Variants in TGM6 observed in about 807,000 individuals in gnomAD.
TGM6 encodes transglutaminase 6.
In TGM6, 74 loss-of-function variants were observed where a neutral mutation model predicts 77.5. The ratio of observed to expected loss-of-function variants is 0.96; its 90% CI spans 0.79 to 1.16. TGM6 has a LOEUF of 1.16. TGM6 is among the 50% of genes most tolerant of loss of function. The pLI, the probability that TGM6 is intolerant of heterozygous loss-of-function variation, is 0.00. For synonymous variants in TGM6, 383 were observed against 378.9 expected (o/e 1.01, Z -0.12); for missense variants, 968 against 940.2 (o/e 1.03, Z -0.39).
chr20:2,408,594 A>G (rs190211015), intron 9 of TGM6, among the ~76,000 whole-genome samples: 1 of 152,346 alleles, frequency 6.6e-6, no homozygotes, highest in East Asian at 1.9e-4. Flanking sequence ...CACGGAATGA[A>G]TGAATTGGGG....
intron 10 of TGM6, among the ~76,000 whole-genome samples, chr20:2,420,072 A>G (rs775116809): frequency 5.9e-5 from 9 of 152,106 alleles, no homozygotes; most frequent in Admixed American, 3.9e-4. Context: ...GTGAAACCCC[A>G]TCTCTACTAA....
At chr20:2,431,106 G>A (rs2084921249) in intron 12 of TGM6, 79 bp downstream of exon 12, 4 of 1,583,864 alleles carry the variant, frequency 2.5e-6, no homozygotes, top group Non-Finnish European at 3.4e-6. Context: ...TGCCAGGGAT[G>A]GGGGTGTGAG....
At chr20:2,408,387 C>T (rs1328467754) in intron 9 of TGM6, among the ~76,000 whole-genome samples, 1 of 152,170 alleles carries the variant, frequency 6.6e-6, no homozygotes, top group Non-Finnish European at 1.5e-5. Context: ...TTTTGCCTGG[C>T]CAGGGGTCTC....
chr20:2,399,540 C>A, intron 5 of TGM6, 21 bp from the exon 6 acceptor site: 1 of 1,612,186 alleles, frequency 6.2e-7, no homozygotes, highest in Non-Finnish European at 8.5e-7. Flanking sequence ...TGGTTGTGGA[C>A]CCGTGCCCTC....
rs768947083 is a variant in TGM6, at chr20:2,394,643, C to T, written c.181+18C>T. 1 of 1,600,728 alleles carries T rather than the reference C, an allele frequency of 6.2e-7. No individual in the cohort carries two copies. Among genetic ancestry groups the T allele is most frequent in the Non-Finnish European group, 8.5e-7 (1 of 1,174,484 alleles). On this transcript the variant is annotated intron_variant, in intron 2 of 12. Coordinates refer to ENST00000202625, the MANE Select transcript of TGM6 (RefSeq NM_198994.3). Reference sequence around the variant, plus strand: ...GGAGACAGGTAACTGGGCTTGCCAGCACCCTCTTCTCGTCTGCAGCTGGAG... The same window carrying T: ...GGAGACAGGTAACTGGGCTTGCCAGTACCCTCTTCTCGTCTGCAGCTGGAG...
chr20:2,396,477 C>T, intron 3 of TGM6, 29 bp from the exon 4 acceptor site: 1 of 1,608,814 alleles, frequency 6.2e-7, no homozygotes, highest in South Asian at 1.1e-5. Flanking sequence ...GAGCCCCAGT[C>T]CACACCGGGC....
rs544138066 is a variant in TGM6, at chr20:2,419,352, G to A, written c.1678+1779G>A. ...TGGTAAGTGAAGCTTGTGGATTTTCGCAGGGTGTGAAAATGTATGAAGGAG... is the reference window on the plus strand; with the variant it reads ...TGGTAAGTGAAGCTTGTGGATTTTCACAGGGTGTGAAAATGTATGAAGGAG... On this transcript the variant is annotated intron_variant, in intron 10 of 12. Transcript: ENST00000202625. Among the ~76,000 whole-genome samples the A allele has an allele frequency of 3.1e-3, 474 of 152,184 alleles. 2 individuals are homozygous for A. Among genetic ancestry groups the A allele is most frequent in the Non-Finnish European group, 4.4e-3 (297 of 68,002 alleles).
Position 2,406,691 on chromosome 20 carries a change from C to G in TGM6, c.1336+2868C>G, listed in dbSNP as rs6106641. On this transcript the variant is annotated intron_variant, in intron 9 of 12. Coordinates refer to ENST00000202625, the MANE Select transcript of TGM6 (RefSeq NM_198994.3). ...TCTCTACTAAAAATACAAAATTAGC[C>G]AGGCATGGTGGCCCATGCCTGTAAT... 8.0e-3 allele frequency among the ~76,000 whole-genome samples: 1,206 copies of G among 151,518 alleles called. 9 individuals carry two copies. The highest frequency in any genetic ancestry group is 0.028 in the African/African-American group (1,143 of 41,370).
chr20:2,392,930 G>A (rs981573395), intron 1 of TGM6, among the ~76,000 whole-genome samples: 6 of 152,156 alleles, frequency 3.9e-5, no homozygotes, highest in Non-Finnish European at 7.3e-5. Flanking sequence ...TCAGCCAGTA[G>A]ATGGCCAGGT....
At chr20:2,425,315 T>G (rs6137994) in intron 10 of TGM6, among the ~76,000 whole-genome samples, 1 of 151,398 alleles carries the variant, frequency 6.6e-6, no homozygotes, top group South Asian at 2.1e-4. Flanking sequence ...ACCACTGCAC[T>G]TACAGCCTGG....
At chr20:2,401,359 A>T (rs2084708012) in intron 7 of TGM6, among the ~76,000 whole-genome samples, 1 of 152,110 alleles carries the variant, frequency 6.6e-6, no homozygotes. Context: ...TGGAGGCAAC[A>T]CTATCACTGT....
chr20:2,406,862 A>AAAAC (rs2084755960), intron 9 of TGM6, among the ~76,000 whole-genome samples: 2 of 141,834 alleles, frequency 1.4e-5, no homozygotes, highest in Admixed American at 6.9e-5. Flanking sequence ...AAAAAAAAAA[A>AAAAC]AAAACCATGG....
At chr20:2,425,723 C>G (rs1274458419) in intron 10 of TGM6, among the ~76,000 whole-genome samples, 2 of 152,038 alleles carry the variant, frequency 1.3e-5, no homozygotes, top group East Asian at 3.9e-4. Context: ...TTAAAAAAAT[C>G]TTAATTGATA....
Position 2,399,668 on chromosome 20 carries a change from G to A in TGM6, c.780G>A (p.Lys260=). 10 of 1,614,002 alleles carry A rather than the reference G, an allele frequency of 6.2e-6. No homozygotes were observed. The highest frequency in any genetic ancestry group is 7.6e-6 in the Non-Finnish European group (9 of 1,179,968). Reference sequence around the variant, plus strand: ...GCGGCAGCGTGGCCATTCTGCAGAAGTGGCTCAAGGGCAGGTACAAGCCAG... The same window carrying A: ...GCGGCAGCGTGGCCATTCTGCAGAAATGGCTCAAGGGCAGGTACAAGCCAG... ...HWRGSVAILQ[K]WLKGRYKPVK... Residue 260 remains lysine, a synonymous_variant, in exon 6 of 13, where the codon AAG becomes AAA. Coordinates refer to ENST00000202625, the MANE Select transcript of TGM6 (RefSeq NM_198994.3).
chr20:2,391,575 G>A (rs1258193316), intron 1 of TGM6, among the ~76,000 whole-genome samples: 1 of 152,112 alleles, frequency 6.6e-6, no homozygotes, highest in Non-Finnish European at 1.5e-5. Flanking sequence ...GAAGGAGCTT[G>A]GACAGATCAT....
intron 1 of TGM6, among the ~76,000 whole-genome samples, chr20:2,381,422 G>A (rs576685413): frequency 6.6e-6 from 1 of 152,318 alleles, no homozygotes; most frequent in Admixed American, 6.5e-5. Flanking sequence ...AAGCACTTGA[G>A]GGCAAGAGCA....
chr20:2,418,715 A>G (rs2084834982), intron 10 of TGM6, among the ~76,000 whole-genome samples: 1 of 152,232 alleles, frequency 6.6e-6, no homozygotes, highest in South Asian at 2.1e-4. Context: ...ATAGCAGAAG[A>G]GAATGGTTTC....
intron 9 of TGM6, among the ~76,000 whole-genome samples, chr20:2,406,814 A>G: frequency 7.5e-6 from 1 of 133,226 alleles, no homozygotes; most frequent in African/African-American, 2.8e-5. Context: ...ACCCTCAGCA[A>G]CAAGTGCGAA....
chr20:2,399,497 C>T, intron 5 of TGM6, 64 bp from the exon 6 acceptor site: 1 of 1,610,528 alleles, frequency 6.2e-7, no homozygotes, highest in Non-Finnish European at 8.5e-7. Context: ...AGGATTTGAC[C>T]ACGATGCGGT....
Sources: gnomAD v4.1 joint callset for allele counts (sites outside exome capture counted in the v4.1 genomes callset) on GRCh38, gnomAD v4.1.1 for gene constraint, MANE v1.5 for transcripts, NCBI Gene and HGNC (gene_info 2026-07-23, HGNC 2026-07-21) for gene names.